THSD4: variants seen among roughly 807,000 people sequenced by gnomAD.
THSD4 encodes thrombospondin type-1 domain-containing protein 4.
A neutral mutation model predicts 119.0 loss-of-function variants in THSD4; 69 were observed. That is an observed-to-expected ratio of 0.58 (90% CI 0.48 to 0.71). The LOEUF is 0.71. Among genes scored for constraint, THSD4 ranks in the 30% least tolerant of loss-of-function variants. The pLI is 0.00. For missense variants in THSD4, 1,393 were observed against 1,391.1 expected (o/e 1.00, Z -0.02); for synonymous variants, 524 against 540.4 (o/e 0.97, Z 0.42).
At chr15:71,246,911 A>T (rs1195323871) in intron 5 of THSD4, among the ~76,000 whole-genome samples, 9 of 125,726 alleles carry the variant, frequency 7.2e-5, no homozygotes, top group Non-Finnish European at 1.3e-4. Flanking sequence ...TTTTTTTGAG[A>T]TAGAGTCTTG....
At chr15:71,486,625 T>G (rs1299811538) in intron 7 of THSD4, among the ~76,000 whole-genome samples, 7 of 150,830 alleles carry the variant, frequency 4.6e-5, no homozygotes, top group South Asian at 2.1e-4. Context: ...TTTTTTTTTT[T>G]TTTTTTTTTT....
chr15:71,451,720 C>T (rs1266735482), intron 7 of THSD4, among the ~76,000 whole-genome samples: 1 of 152,174 alleles, frequency 6.6e-6, no homozygotes, highest in Non-Finnish European at 1.5e-5. Context: ...AAACTGCCCT[C>T]TCTCCCAGAG....
chr15:71,683,151 G>A lies in THSD4; in HGVS notation c.1357+22417G>A, dbSNP rs188576412. ...TGGCCAGGCTGGCCTCGAACTCCTG[G>A]ACTATAGTAATCTGCCTACCTTGAC... On this transcript the variant is annotated intron_variant, in intron 8 of 17. Coordinates refer to ENST00000261862, the MANE Select transcript of THSD4 (RefSeq NM_024817.3). Among the ~76,000 whole-genome samples, 85 of 151,694 alleles carry A rather than the reference G, an allele frequency of 5.6e-4. 1 individual carries two copies. The highest frequency in any genetic ancestry group is 2.0e-3 in the African/African-American group (84 of 41,378).
intron 7 of THSD4, among the ~76,000 whole-genome samples, chr15:71,526,199 A>G (rs1293836603): frequency 1.3e-5 from 2 of 152,132 alleles, no homozygotes; most frequent in African/African-American, 2.4e-5. Context: ...GACCGTCTAA[A>G]ATCTCAGTTT....
chr15:71,167,447 T>G (rs1413004190), intron 3 of THSD4, among the ~76,000 whole-genome samples: 1 of 152,246 alleles, frequency 6.6e-6, no homozygotes, highest in Non-Finnish European at 1.5e-5. Context: ...ACTCTTGCTC[T>G]AAAGTCAGGA....
At chr15:71,676,781 C>T (rs530241985) in intron 8 of THSD4, among the ~76,000 whole-genome samples, 2 of 152,282 alleles carry the variant, frequency 1.3e-5, no homozygotes, top group South Asian at 4.1e-4. Context: ...AGATTCATCC[C>T]TGTGGTAATA....
chr15:71,460,847 G>A (rs1221863516), intron 7 of THSD4, among the ~76,000 whole-genome samples: 1 of 151,986 alleles, frequency 6.6e-6, no homozygotes, highest in African/African-American at 2.4e-5. Context: ...GGTTTCCTGT[G>A]TCCCCGGTTT....
At chr15:71,588,505 C>T (rs1431858655) in intron 7 of THSD4, among the ~76,000 whole-genome samples, 2 of 151,982 alleles carry the variant, frequency 1.3e-5, no homozygotes, top group African/African-American at 4.8e-5. Flanking sequence ...CTTACCACAG[C>T]CTCGACCTCC....
intron 7 of THSD4, among the ~76,000 whole-genome samples, chr15:71,528,093 GC>G (rs1056159393): frequency 6.6e-6 from 1 of 152,142 alleles, no homozygotes; most frequent in Non-Finnish European, 1.5e-5. Context: ...ACTGAACAGT[GC>G]CTTGGACTCT....
chr15:71,108,906 T>A (rs2040285340), intron 1 of THSD4, among the ~76,000 whole-genome samples: 2 of 152,012 alleles, frequency 1.3e-5, no homozygotes, highest in African/African-American at 4.8e-5. Flanking sequence ...GCAGGAGAAT[T>A]TCTTGAATGT....
chr15:71,650,364 CT>C (rs2140979249), intron 7 of THSD4, among the ~76,000 whole-genome samples: 1 of 152,252 alleles, frequency 6.6e-6, no homozygotes, highest in South Asian at 2.1e-4. Context: ...CCTGAGAATG[CT>C]GTTAAACTGC....
intron 7 of THSD4, among the ~76,000 whole-genome samples, chr15:71,541,054 T>G (rs1441468171): frequency 6.6e-6 from 1 of 152,174 alleles, no homozygotes; most frequent in Admixed American, 6.5e-5. Context: ...TAGCAATACA[T>G]TCACATGTTT....
At chr15:71,277,424 C>T (rs1309597946) in intron 6 of THSD4, among the ~76,000 whole-genome samples, 3 of 152,118 alleles carry the variant, frequency 2.0e-5, no homozygotes, top group Non-Finnish European at 4.4e-5. Flanking sequence ...CCGTGCCTGG[C>T]CTGTATCTGA....
At position 71,696,806 on chromosome 15, in the gene THSD4, G is replaced by A. The variant is rs188568122; in HGVS notation, c.1358-31743G>A. Reference sequence around the variant, plus strand: ...AGCCCACCCCACTACAGGGCTTTGAGGCAGGCAGAGAGAAAGGGAGCTGAT... The same window carrying A: ...AGCCCACCCCACTACAGGGCTTTGAAGCAGGCAGAGAGAAAGGGAGCTGAT... On this transcript the variant is annotated intron_variant, in intron 8 of 17. Coordinates refer to ENST00000261862, the MANE Select transcript of THSD4 (RefSeq NM_024817.3). 5.9e-5 allele frequency among the ~76,000 whole-genome samples: 9 copies of A among 152,290 alleles called. No homozygotes were observed. In the East Asian group the frequency reaches 1.7e-3, roughly 29 times the overall value.
intron 7 of THSD4, among the ~76,000 whole-genome samples, chr15:71,464,280 C>T (rs2047468880): frequency 1.3e-5 from 2 of 152,298 alleles, no homozygotes; most frequent in South Asian, 2.1e-4. Flanking sequence ...GCAGAGTGTA[C>T]CCTTCACCTA....
At chr15:71,758,420 G>C (rs1281054438) in intron 15 of THSD4, among the ~76,000 whole-genome samples, 1 of 152,176 alleles carries the variant, frequency 6.6e-6, no homozygotes, top group East Asian at 1.9e-4. Context: ...ATGAAATTGT[G>C]TACATAAAGT....
chr15:71,154,915 T>G lies in THSD4; in HGVS notation c.82T>G (p.Ser28Ala). 6.2e-7 allele frequency: 1 copy of G among 1,614,130 alleles called. No homozygotes were observed. The change falls in exon 3 of 18, where the codon TCC (serine) becomes GCC (alanine). Residue 28 changes from serine (S) to alanine (A), a missense_variant. By Grantham distance (99) the Ser-to-Ala change is moderately conservative (BLOSUM62 1). Coordinates refer to ENST00000261862, the MANE Select transcript of THSD4 (RefSeq NM_024817.3). ...ATTCCAGTTCGTCTGCCCACAGCCC[T>G]CCACTCAACACAGGAAGGTAAGCCA... ...LGFQFVCPQP[S>A]TQHRKVPQRM...
At chr15:71,327,311 G>A (rs1013198557) in intron 6 of THSD4, among the ~76,000 whole-genome samples, 1 of 151,914 alleles carries the variant, frequency 6.6e-6, no homozygotes, top group Non-Finnish European at 1.5e-5. Flanking sequence ...TCCTGCCACC[G>A]GCCTACAGTT....
intron 8 of THSD4, among the ~76,000 whole-genome samples, chr15:71,692,668 C>T (rs559381073): frequency 5.9e-5 from 9 of 152,074 alleles, no homozygotes; most frequent in Non-Finnish European, 1.0e-4. Context: ...GTTGGAGTGT[C>T]GCTCTGACCT....
Sources: allele counts gnomAD v4.1 joint callset (sites outside exome capture counted in the v4.1 genomes callset), GRCh38; gene constraint gnomAD v4.1.1; transcripts MANE v1.5; gene names NCBI Gene and HGNC (gene_info 2026-07-23, HGNC 2026-07-21).